The following GALNT13 variants were observed in gnomAD, a reference collection of about 807,000 sequenced individuals.
The protein encoded by GALNT13 is polypeptide N-acetylgalactosaminyltransferase 13, also known as UDP-GalNAc:polypeptide N-acetylgalactosaminyltransferase 13.
In GALNT13, 28 loss-of-function variants were observed where a neutral mutation model predicts 64.2. That is an observed-to-expected ratio of 0.44 (90% confidence interval 0.32 to 0.60). The LOEUF is 0.60. GALNT13 is among the 20% of genes least tolerant of loss of function. GALNT13 has a pLI of 0.05. For missense variants in GALNT13, 577 were observed against 669.8 expected (o/e 0.86, Z 1.53); for synonymous variants, 214 against 224.6 (o/e 0.95, Z 0.42).
At chr2:153,823,002 AG>A in the GALNT13 span, among the ~76,000 whole-genome samples, 1 of 152,304 alleles carries the variant, frequency 6.6e-6, no homozygotes, top group South Asian at 2.1e-4. Flanking sequence ...AGTCAATTCA[AG>A]AACATATTCT....
rs566763625 is a variant in GALNT13 at position 154,008,579 on chromosome 2, C to T, written c.142+63940C>T. Among the ~76,000 whole-genome samples, 6 of 152,144 alleles carry T rather than the reference C, an allele frequency of 3.9e-5. No homozygotes were observed. The South Asian group carries it at 1.2e-3, about 32-fold the overall frequency. On this transcript the variant is annotated intron_variant, in intron 3 of 12. Transcript: ENST00000392825. ...TTTGTAGTTTTTTGATCCCCACCTT[C>T]CTCCCACCCTCCCTGCTCAACTAGG... is the stretch of plus-strand genomic sequence containing the variant.
the GALNT13 span, among the ~76,000 whole-genome samples, chr2:153,596,292 ATCAG>A: frequency 1.3e-5 from 2 of 152,158 alleles, no homozygotes; most frequent in Admixed American, 6.5e-5. Flanking sequence ...TTTTGATGAA[ATCAG>A]TCAGAGAGCC....
the GALNT13 span, among the ~76,000 whole-genome samples, chr2:153,567,359 T>C: frequency 2.6e-5 from 4 of 152,182 alleles, no homozygotes; most frequent in East Asian, 5.8e-4. Context: ...AGATGCATAA[T>C]GTATGTCAGA....
chr2:153,228,400 T>C, the GALNT13 span, among the ~76,000 whole-genome samples: 1 of 152,192 alleles, frequency 6.6e-6, no homozygotes, highest in East Asian at 1.9e-4. Flanking sequence ...GGCACCTTAA[T>C]GAACCAATAT....
At chr2:153,265,442 G>C in the GALNT13 span, among the ~76,000 whole-genome samples, 1 of 152,134 alleles carries the variant, frequency 6.6e-6, no homozygotes, top group Non-Finnish European at 1.5e-5. Context: ...GCTTTCTACT[G>C]TGACAGGGCA....
At chr2:153,093,462 C>A in the GALNT13 span, among the ~76,000 whole-genome samples, 1 of 152,124 alleles carries the variant, frequency 6.6e-6, no homozygotes, top group African/African-American at 2.4e-5. Context: ...TGGTCTCGAA[C>A]TCCTGAGCTC....
chr2:154,201,937 C>A (rs1484848683), intron 4 of GALNT13, among the ~76,000 whole-genome samples: 2 of 152,110 alleles, frequency 1.3e-5, no homozygotes, highest in Non-Finnish European at 1.5e-5. Context: ...CAGCAAGAGT[C>A]ACCTAATTTT....
chr2:154,264,466 C>CAAAAAAA (rs3078698), intron 8 of GALNT13, among the ~76,000 whole-genome samples: 3 of 123,474 alleles, frequency 2.4e-5, no homozygotes, highest in Admixed American at 1.7e-4. Flanking sequence ...ACTAAAAATA[C>CAAAAAAA]AAAAAAAAAA....
intron 3 of GALNT13, among the ~76,000 whole-genome samples, chr2:154,000,577 T>C (rs2105219108): frequency 6.6e-6 from 1 of 152,140 alleles, no homozygotes; most frequent in Non-Finnish European, 1.5e-5. Context: ...TGTTGTCAAA[T>C]GTCTACGTAT....
chr2:153,483,592 T>C, the GALNT13 span, among the ~76,000 whole-genome samples: 6 of 151,868 alleles, frequency 4.0e-5, no homozygotes, highest in Non-Finnish European at 7.4e-5. Flanking sequence ...AATTTTGTAT[T>C]TTTAGTAGAG....
At chr2:154,186,187 A>G (rs534121004) in intron 4 of GALNT13, among the ~76,000 whole-genome samples, 49 of 152,192 alleles carry the variant, frequency 3.2e-4, no homozygotes, top group African/African-American at 1.1e-3. Context: ...TCAGCTGTTT[A>G]CATGAATAGC....
chr2:154,334,268 A>G (rs1046714008), intron 9 of GALNT13, among the ~76,000 whole-genome samples: 1 of 152,008 alleles, frequency 6.6e-6, no homozygotes, highest in African/African-American at 2.4e-5. Flanking sequence ...TTACTATTAC[A>G]TTGAGAATTT....
At chr2:153,175,445 CTT>C in the GALNT13 span, among the ~76,000 whole-genome samples, 5 of 152,080 alleles carry the variant, frequency 3.3e-5, no homozygotes, top group Non-Finnish European at 7.4e-5. Context: ...AAAATTCAAA[CTT>C]AGTGTTAAGT....
chr2:153,108,893 T>A, the GALNT13 span, among the ~76,000 whole-genome samples: 1 of 152,188 alleles, frequency 6.6e-6, no homozygotes, highest in Non-Finnish European at 1.5e-5. Context: ...AGACATTTCA[T>A]TCAATAAGTA....
At chr2:153,156,572 CA>C in the GALNT13 span, among the ~76,000 whole-genome samples, 8 of 152,098 alleles carry the variant, frequency 5.3e-5, no homozygotes, top group African/African-American at 1.7e-4. Context: ...TGCCATCAGA[CA>C]CTTCTAGTAG....
the GALNT13 span, among the ~76,000 whole-genome samples, chr2:153,431,813 C>T: frequency 1.3e-5 from 2 of 152,190 alleles, no homozygotes; most frequent in Non-Finnish European, 2.9e-5. Context: ...TAATCAGTTA[C>T]ATGTATAACA....
chr2:154,412,269 A>G (rs548161435), intron 11 of GALNT13, among the ~76,000 whole-genome samples: 1 of 151,918 alleles, frequency 6.6e-6, no homozygotes, highest in South Asian at 2.1e-4. Flanking sequence ...TATTTCTAAG[A>G]TAATTAATAC....
At chr2:153,643,640 C>A in the GALNT13 span, among the ~76,000 whole-genome samples, 1,485 of 151,456 alleles carry the variant, frequency 9.8e-3, 14 homozygotes, top group Non-Finnish European at 0.011. Context: ...CATCTAATAA[C>A]GGTTAGAAAA....
chr2:153,758,205 C>A, the GALNT13 span, among the ~76,000 whole-genome samples: 1 of 151,904 alleles, frequency 6.6e-6, no homozygotes, highest in Non-Finnish European at 1.5e-5. Context: ...ATGTGAATAC[C>A]CAAATTTCCC....
Sources: gnomAD v4.1 joint callset for allele counts (sites outside exome capture counted in the v4.1 genomes callset) on GRCh38, gnomAD v4.1.1 for gene constraint, MANE v1.5 for transcripts, NCBI Gene and HGNC (gene_info 2026-07-23, HGNC 2026-07-21) for gene names.